The following RCBTB1 variants were observed in gnomAD, a reference collection of about 807,000 sequenced individuals.
The protein encoded by RCBTB1 is RCC1 and BTB domain containing protein 1, also known as RCC1 and BTB domain-containing protein 1.
In RCBTB1, 46 loss-of-function variants were observed where a neutral mutation model predicts 62.4. The observed-to-expected ratio is 0.74, with a 90% CI of 0.58 to 0.94. The LOEUF (loss-of-function observed/expected upper bound fraction) is 0.94, where lower values mean the gene tolerates loss of function less well. RCBTB1 is among the 40% of genes least tolerant of loss of function. The pLI, the probability that RCBTB1 is intolerant of heterozygous loss-of-function variation, is 0.00. For synonymous variants in RCBTB1, 222 were observed against 245.8 expected (o/e 0.90, Z 0.91); for missense variants, 565 against 654.9 (o/e 0.86, Z 1.50).
chr13:49,545,363 T>C (rs1327383210), intron 9 of RCBTB1, among the ~76,000 whole-genome samples: 1 of 152,192 alleles, frequency 6.6e-6, no homozygotes, highest in Non-Finnish European at 1.5e-5. Flanking sequence ...AGAGAAACTC[T>C]TTCCTAAGTA....
rs746826785 is a variant in RCBTB1 at position 49,549,551 on chromosome 13, C to G, written c.952G>C (p.Val318Leu). ...AAGTGGGTGAGGTGCGGGAGGATCA[C>G]GGACTGACCCCGGCACTGGCCCCAC... ...YMWGQCRGQS[V>L]ILPHLTHFSC... Residue 318 changes from valine (V) to leucine (L), a missense_variant, in exon 9 of 13, where the codon GTG (valine) becomes CTG (leucine). Coordinates refer to ENST00000378302, the MANE Select transcript of RCBTB1 (RefSeq NM_018191.4). 1 of 1,614,132 alleles carries G rather than the reference C, an allele frequency of 6.2e-7. No homozygotes were observed. Among genetic ancestry groups the G allele is most frequent in the South Asian group, 1.1e-5 (1 of 91,070 alleles).
intron 12 of RCBTB1, chr13:49,537,869 C>T (rs1015612347): frequency 2.6e-5 from 4 of 152,190 alleles, no homozygotes; most frequent in African/African-American, 4.8e-5. Context: ...CATCAACTTA[C>T]TTTTGAAACT....
At chr13:49,545,826 T>G (rs1381456040) in intron 9 of RCBTB1, among the ~76,000 whole-genome samples, 2 of 152,172 alleles carry the variant, frequency 1.3e-5, no homozygotes, top group African/African-American at 2.4e-5. Flanking sequence ...GGTAGCGTGC[T>G]GTTACCAGAG....
rs1001499151 is a variant in RCBTB1, at chr13:49,566,835, C to G, written c.127-67G>C. On this transcript the variant is annotated intron_variant, in intron 3 of 12. Coordinates refer to ENST00000378302, the MANE Select transcript of RCBTB1 (RefSeq NM_018191.4). ...AGCTGTATTAAAAGCTCCCTTCTCTCCTCTGAAAATAAGACATTTCAACTA... is the reference window on the plus strand; with the variant it reads ...AGCTGTATTAAAAGCTCCCTTCTCTGCTCTGAAAATAAGACATTTCAACTA... 1.1e-4 allele frequency: 153 copies of G among 1,430,930 alleles called. 1 individual carries two copies. The highest frequency in any genetic ancestry group is 1.4e-4 in the Non-Finnish European group (151 of 1,053,178). 88.6% of individuals were successfully genotyped at this position (1,430,930 alleles called of 1,614,324 possible).
At chr13:49,546,955 A>G (rs1960836701) in intron 9 of RCBTB1, 2 of 985,178 alleles carry the variant, frequency 2.0e-6, no homozygotes, top group Non-Finnish European at 2.4e-6. Flanking sequence ...TCCAAACTTA[A>G]CATTTAAATT....
intron 2 of RCBTB1, among the ~76,000 whole-genome samples, chr13:49,568,366 T>C (rs982260419): frequency 1.3e-5 from 2 of 152,244 alleles, no homozygotes; most frequent in African/African-American, 2.4e-5. Context: ...CATTATTGTA[T>C]TGACATGTCT....
Position 49,566,757 on chromosome 13 carries a change from A to T in RCBTB1, c.138T>A (p.Phe46Leu). ...YVTDNDEVFV[F>L]GLNYSNCLGT... ...CTAGACAGTTACTATAGTTCAGTCC[A>T]AATACAAAGACCTAGAAAATAGATA... Residue 46 changes from phenylalanine to leucine, a missense_variant, in exon 4 of 13, where the codon TTT (phenylalanine) becomes TTA (leucine). By Grantham distance (22) the Phe-to-Leu change is conservative. Transcript: ENST00000378302. 6.2e-7 allele frequency: 1 copy of T among 1,605,466 alleles called. No individual in the cohort carries two copies. Among genetic ancestry groups the T allele is most frequent in the Non-Finnish European group, 8.5e-7 (1 of 1,177,558 alleles).
chr13:49,584,920 C>G (rs1475939543), intron 1 of RCBTB1, among the ~76,000 whole-genome samples: 4 of 152,128 alleles, frequency 2.6e-5, no homozygotes, highest in African/African-American at 9.7e-5. Flanking sequence ...TTAGAGTTCA[C>G]CGCACGCCTG....
chr13:49,544,966 T>G, intron 9 of RCBTB1, 103 bp from the exon 10 acceptor site: 1 of 977,212 alleles, frequency 1.0e-6, no homozygotes, highest in Non-Finnish European at 1.5e-6. Context: ...TAATTCCACT[T>G]GTTTTTTTTT....
intron 3 of RCBTB1, 94 bp downstream of exon 3, chr13:49,567,060 A>T: frequency 8.3e-7 from 1 of 1,197,704 alleles, no homozygotes; most frequent in Non-Finnish European, 1.2e-6. Context: ...CTCTTTATTT[A>T]TACCCCGCCT....
intron 4 of RCBTB1, among the ~76,000 whole-genome samples, chr13:49,562,822 G>A (rs768036752): frequency 6.1e-4 from 69 of 112,976 alleles, no homozygotes; most frequent in Middle Eastern, 9.8e-3. Flanking sequence ...ACATGGCCTC[G>A]CTATGTTGAC....
chr13:49,537,136 C>T (rs747912403), intron 12 of RCBTB1, among the ~76,000 whole-genome samples: 1 of 152,102 alleles, frequency 6.6e-6, no homozygotes, highest in Non-Finnish European at 1.5e-5. Context: ...GAGCAGGTGC[C>T]TCGGCATCAC....
At chr13:49,537,667 T>C (rs1271349822) in intron 12 of RCBTB1, among the ~76,000 whole-genome samples, 1 of 152,218 alleles carries the variant, frequency 6.6e-6, no homozygotes, top group Non-Finnish European at 1.5e-5. Flanking sequence ...AAATAAAAAA[T>C]TTCCTGAAAA....
At chr13:49,565,440 G>T (rs1009294900) in intron 4 of RCBTB1, among the ~76,000 whole-genome samples, 3 of 135,700 alleles carry the variant, frequency 2.2e-5, no homozygotes, top group African/African-American at 8.5e-5. Flanking sequence ...CCGCCACCCC[G>T]TCTGGGAAGT....
chr13:49,578,108 G>A (rs1963893662), intron 2 of RCBTB1, among the ~76,000 whole-genome samples: 1 of 152,158 alleles, frequency 6.6e-6, no homozygotes, highest in Admixed American at 6.5e-5. Flanking sequence ...TATCTGTGGG[G>A]GACCGGTTCC....
Position 49,567,202 on chromosome 13 carries a change from G to GAC in RCBTB1, c.76_77dup (p.Phe27SerfsTer23). 1 of 1,613,860 alleles carries GAC rather than the reference G, an allele frequency of 6.2e-7. No homozygotes were observed. The highest frequency in any genetic ancestry group is 8.5e-7 in the Non-Finnish European group (1 of 1,179,786). Reference sequence around the variant, plus strand: ...GTGCTTCACTGGCTGAGGTGCCGAAGACACACGCCTTCCGAATAGACGCGA... The same window carrying GAC: ...GTGCTTCACTGGCTGAGGTGCCGAAGACACACACGCCTTCCGAATAGACGCGA... On this transcript the variant is annotated frameshift_variant, in exon 3 of 13. Coordinates refer to ENST00000378302, the MANE Select transcript of RCBTB1 (RefSeq NM_018191.4). LOFTEE classifies it high-confidence loss of function.
At chr13:49,541,061 C>A in intron 11 of RCBTB1, 55 bp from the exon 12 acceptor site, 2 of 1,534,104 alleles carry the variant, frequency 1.3e-6, no homozygotes, top group Non-Finnish European at 1.8e-6. Flanking sequence ...TTCCAATACA[C>A]AGAGATTTTG....
intron 4 of RCBTB1, among the ~76,000 whole-genome samples, chr13:49,565,828 G>A (rs1887080561): frequency 6.6e-6 from 1 of 151,940 alleles, no homozygotes; most frequent in African/African-American, 2.4e-5. Context: ...AGAAAAGGGG[G>A]AAATGTGGGG....
intron 12 of RCBTB1, among the ~76,000 whole-genome samples, chr13:49,538,769 A>ACT (rs1960117047): frequency 6.6e-6 from 1 of 151,574 alleles, no homozygotes; most frequent in African/African-American, 2.4e-5. Context: ...ACACACACAC[A>ACT]CACATATATA....
Sources: allele counts gnomAD v4.1 joint callset (sites outside exome capture counted in the v4.1 genomes callset), GRCh38; gene constraint gnomAD v4.1.1; transcripts MANE v1.5; gene names NCBI Gene and HGNC (gene_info 2026-07-23, HGNC 2026-07-21).